The following SNTG2 variants were observed in gnomAD, a reference collection of about 807,000 sequenced individuals.
SNTG2 encodes the protein syntrophin gamma 2.
A neutral mutation model predicts 70.9 loss-of-function variants in SNTG2; 74 were observed. That is an observed-to-expected ratio of 1.04 (90% CI 0.86 to 1.27). The LOEUF is 1.27. Ranked by LOEUF, SNTG2 falls within the 50% of genes most tolerant of loss-of-function variation. The probability of loss-of-function intolerance (pLI) is 0.00; values close to 1 mark genes in which losing one functional copy is unlikely to be tolerated. For synonymous variants in SNTG2, 278 were observed against 273.8 expected, an observed-to-expected ratio of 1.02 and a Z score of -0.15; for missense variants, 717 against 690.7, an observed-to-expected ratio of 1.04 and a Z score of -0.43.
chr2:1,223,302 G>T (rs1378264934), intron 9 of SNTG2, among the ~76,000 whole-genome samples: 1 of 151,346 alleles, frequency 6.6e-6, no homozygotes, highest in African/African-American at 2.4e-5. Flanking sequence ...CCTGCTGCTG[G>T]AGGTGCTGGA....
intron 6 of SNTG2, among the ~76,000 whole-genome samples, chr2:1,156,581 C>T (rs938298352): frequency 6.6e-6 from 1 of 152,136 alleles, no homozygotes; most frequent in Non-Finnish European, 1.5e-5. Flanking sequence ...TTTCTCCAGC[C>T]ACAGAGTGCA....
At chr2:956,665 G>C (rs934969447) in intron 1 of SNTG2, among the ~76,000 whole-genome samples, 10 of 152,252 alleles carry the variant, frequency 6.6e-5, no homozygotes, top group Admixed American at 6.5e-4. Flanking sequence ...CTGCTGCTGT[G>C]AGCCCGTGGA....
chr2:1,141,986 T>C (rs28459150), intron 6 of SNTG2, among the ~76,000 whole-genome samples: 150,352 of 152,246 alleles, frequency 0.99, 74,268 homozygotes, highest in East Asian at 1. Context: ...CTCATAGATG[T>C]GAATCTCTGC....
At chr2:1,005,413 G>C (rs890702900) in intron 1 of SNTG2, among the ~76,000 whole-genome samples, 2 of 152,026 alleles carry the variant, frequency 1.3e-5, no homozygotes, top group African/African-American at 2.4e-5. Context: ...GTGCACATGT[G>C]GGGGCGGTGG....
intron 1 of SNTG2, among the ~76,000 whole-genome samples, chr2:961,251 G>C (rs1660340126): frequency 6.6e-6 from 1 of 152,098 alleles, no homozygotes; most frequent in African/African-American, 2.4e-5. Context: ...CTGTTACCCA[G>C]GCTGGAGTGC....
intron 1 of SNTG2, among the ~76,000 whole-genome samples, chr2:977,573 C>A (rs1422370166): frequency 6.6e-6 from 1 of 152,216 alleles, no homozygotes; most frequent in Non-Finnish European, 1.5e-5. Context: ...CAGCTTCCCT[C>A]CCACTTGGGA....
At chr2:1,001,391 C>T (rs1659391099) in intron 1 of SNTG2, among the ~76,000 whole-genome samples, 1 of 151,870 alleles carries the variant, frequency 6.6e-6, no homozygotes, top group Admixed American at 6.6e-5. Flanking sequence ...TCAAAAGACT[C>T]CTATATTTGA....
chr2:1,283,143 C>T (rs912227817), intron 14 of SNTG2, among the ~76,000 whole-genome samples: 3 of 152,102 alleles, frequency 2.0e-5, no homozygotes, highest in African/African-American at 7.2e-5. Context: ...GTGGCCTGCT[C>T]CTTCCGGGAA....
chr2:1,282,525 T>G (rs1679589883), intron 14 of SNTG2, among the ~76,000 whole-genome samples: 2 of 152,236 alleles, frequency 1.3e-5, no homozygotes, highest in South Asian at 4.1e-4. Context: ...GTGGCATCTG[T>G]GCTGGATGCT....
At chr2:1,240,170 T>TA (rs1280326952) in intron 11 of SNTG2, among the ~76,000 whole-genome samples, 3 of 152,232 alleles carry the variant, frequency 2.0e-5, no homozygotes, top group African/African-American at 7.2e-5. Context: ...ATAAAATCCT[T>TA]ACTAGGAAAG....
At chr2:1,250,598 G>T (rs542063365) in intron 12 of SNTG2, among the ~76,000 whole-genome samples, 3 of 149,862 alleles carry the variant, frequency 2.0e-5, no homozygotes, top group Non-Finnish European at 4.4e-5. Context: ...GTCTCTCTCT[G>T]TCTGACTCTA....
intron 1 of SNTG2, among the ~76,000 whole-genome samples, chr2:1,017,163 TTTGGTGTCTTA>T (rs1228522880): frequency 1.3e-5 from 2 of 152,162 alleles, no homozygotes; most frequent in Non-Finnish European, 2.9e-5. Flanking sequence ...CTGTTTGTAA[TTTGGTGTCTTA>T]TTGCCACAGA....
chr2:1,151,127 G>T (rs1438366428), intron 6 of SNTG2, among the ~76,000 whole-genome samples: 3 of 152,200 alleles, frequency 2.0e-5, no homozygotes, highest in Non-Finnish European at 4.4e-5. Context: ...GAAAGTGCAT[G>T]ATTTTGGAAG....
intron 1 of SNTG2, among the ~76,000 whole-genome samples, chr2:976,896 C>T (rs11883972): frequency 0.3 from 46,047 of 152,144 alleles, 7,363 homozygotes; most frequent in Middle Eastern, 0.4. Context: ...AGCAGCTCTC[C>T]AGAGGCAGCC....
At chr2:1,332,936 G>A (rs1572994424) in intron 16 of SNTG2, among the ~76,000 whole-genome samples, 1 of 152,138 alleles carries the variant, frequency 6.6e-6, no homozygotes, top group South Asian at 2.1e-4. Context: ...ATTCACCATA[G>A]TACTGAAGTC....
chr2:1,271,028 G>A (rs918645266), intron 14 of SNTG2, among the ~76,000 whole-genome samples: 1 of 152,126 alleles, frequency 6.6e-6, no homozygotes, highest in African/African-American at 2.4e-5. Context: ...ACCTATGTGA[G>A]GTCAGTACAT....
chr2:1,355,785 A>G (rs1204923297), intron 16 of SNTG2, among the ~76,000 whole-genome samples: 2 of 152,026 alleles, frequency 1.3e-5, no homozygotes, highest in Non-Finnish European at 2.9e-5. Context: ...AGCTGCACCA[A>G]TTTACCTTTC....
intron 14 of SNTG2, among the ~76,000 whole-genome samples, chr2:1,289,547 C>G (rs1167249023): frequency 6.6e-6 from 1 of 152,158 alleles, no homozygotes; most frequent in Non-Finnish European, 1.5e-5. Flanking sequence ...GTTTGCTTTG[C>G]GTGAACTCGT....
chr2:1,347,058 C>G (rs543546306), intron 16 of SNTG2, among the ~76,000 whole-genome samples: 1 of 140,074 alleles, frequency 7.1e-6, no homozygotes, highest in East Asian at 2.2e-4. Flanking sequence ...GCACAACTCC[C>G]CAGGCCCTTT....
Sources: gnomAD v4.1 joint callset for allele counts (sites outside exome capture counted in the v4.1 genomes callset) on GRCh38, gnomAD v4.1.1 for gene constraint, MANE v1.5 for transcripts, NCBI Gene and HGNC (gene_info 2026-07-23, HGNC 2026-07-21) for gene names.